ACSL1: variants seen among roughly 807,000 people sequenced by gnomAD.
ACSL1 encodes the protein long-chain-fatty-acid--CoA ligase 1.
In ACSL1, 41 loss-of-function variants were observed where a neutral mutation model predicts 98.4. The observed-to-expected ratio is 0.42, with a 90% CI of 0.32 to 0.54. The LOEUF (loss-of-function observed/expected upper bound fraction) is 0.54. Among genes scored for constraint, ACSL1 ranks in the 20% least tolerant of loss-of-function variants. The pLI is 0.13. For missense variants in ACSL1, 734 were observed against 883.1 expected (o/e 0.83, Z 2.14); for synonymous variants, 316 against 322.7 (o/e 0.98, Z 0.22).
chr4:184,800,285 T>A (rs1475607405), intron 2 of ACSL1, among the ~76,000 whole-genome samples: 1 of 152,210 alleles, frequency 6.6e-6, no homozygotes, highest in African/African-American at 2.4e-5. Flanking sequence ...CTGGTCTAAG[T>A]TGGAGTCCAG....
rs548867308 is a variant in ACSL1, at chr4:184,773,724, A to G, written c.790-10T>C. The G allele has an allele frequency of 1.9e-4, 42 of 225,806 alleles. No individual in the cohort carries two copies. The highest frequency in any genetic ancestry group is 2.8e-4 in the East Asian group (2 of 7,178). The allele number at this position is 225,806 out of a possible 1,614,324, so 14.0% of individuals were successfully genotyped here. The stretch of plus-strand genomic sequence containing the variant: ...CTTCAGGTGCTGGAGGCTAAAGATT[A>G]AAAAAAAAAAAAGCTGGTATAAATC... On this transcript the variant is annotated splice_polypyrimidine_tract_variant and intron_variant, in intron 8 of 20. Transcript: ENST00000281455. The surrounding 1 kb of genome is among the most constrained non-coding windows in gnomAD (Gnocchi z 4.3).
intron 1 of ACSL1, among the ~76,000 whole-genome samples, chr4:184,820,443 C>T (rs143193517): frequency 6.6e-5 from 10 of 152,164 alleles, no homozygotes; most frequent in South Asian, 2.1e-4. Flanking sequence ...CCCTGAGCCA[C>T]GCTGAATCAA....
intron 1 of ACSL1, chr4:184,808,367 T>C: frequency 1.0e-6 from 1 of 985,456 alleles, no homozygotes; most frequent in Non-Finnish European, 1.2e-6. Flanking sequence ...CTTCTAAAGT[T>C]CCTCAAGCTT....
At chr4:184,805,194 A>G (rs1771222857) in intron 1 of ACSL1, among the ~76,000 whole-genome samples, 1 of 152,220 alleles carries the variant, frequency 6.6e-6, no homozygotes, top group African/African-American at 2.4e-5. Flanking sequence ...GTCATCAGAG[A>G]AATGCATTGT....
At chr4:184,787,321 C>T (rs2150373983) in intron 3 of ACSL1, among the ~76,000 whole-genome samples, 1 of 152,342 alleles carries the variant, frequency 6.6e-6, no homozygotes, top group Admixed American at 6.5e-5. Flanking sequence ...GATAACCACC[C>T]TGTTCTCAAG....
At chr4:184,780,474 C>T in intron 4 of ACSL1, 41 bp from the exon 5 acceptor site, 1 of 1,496,944 alleles carries the variant, frequency 6.7e-7, no homozygotes, top group Non-Finnish European at 9.2e-7. Context: ...CATTGGGCCC[C>T]AACTCCAGAA....
At chr4:184,820,313 G>T (rs912588620) in intron 1 of ACSL1, among the ~76,000 whole-genome samples, 4 of 152,260 alleles carry the variant, frequency 2.6e-5, no homozygotes, top group African/African-American at 9.6e-5. Context: ...CACTGCACCC[G>T]GCCAGTCATG....
chr4:184,826,090 GCCC>G (rs1022065302), upstream of ACSL1: 1 of 146,830 alleles, frequency 6.8e-6, no homozygotes, highest in Non-Finnish European at 1.5e-5. Context: ...CGCCGCGCCG[GCCC>G]CGCCCTCCCG....
chr4:184,813,028 G>A (rs1399576373), intron 1 of ACSL1, among the ~76,000 whole-genome samples: 2 of 151,936 alleles, frequency 1.3e-5, no homozygotes, highest in South Asian at 2.1e-4. Context: ...ATTCTCCAGA[G>A]CAAACAAAAC....
At chr4:184,761,765 A>G (rs543880344) in intron 17 of ACSL1, among the ~76,000 whole-genome samples, 1 of 152,042 alleles carries the variant, frequency 6.6e-6, no homozygotes, top group South Asian at 2.1e-4. Flanking sequence ...CTCAGTACGG[A>G]TATTGTAAAA....
At chr4:184,779,805 T>TC (rs1483483865) in intron 5 of ACSL1, among the ~76,000 whole-genome samples, 1 of 151,450 alleles carries the variant, frequency 6.6e-6, no homozygotes, top group Non-Finnish European at 1.5e-5. Context: ...ACTAAAATAA[T>TC]CCCCCCAAAA....
chr4:184,757,164 C>T lies in ACSL1; in HGVS notation c.2058G>A (p.Arg686=). ...AKRPELRNYF[R]SQIDDLYSTI... is the part of the protein sequence containing the mutation. ...TGGAATAGAGGTCATCTATCTGCGA[C>T]CTGAAATAGTTCCGCAGCTCTGGCC... The change falls in exon 21 of 21, where the codon AGG becomes AGA. Residue 686 remains arginine, a synonymous_variant. Transcript: ENST00000281455. This position sits in a 1 kb window ranked among gnomAD's most constrained non-coding sequence, Gnocchi z 4.5. 6.2e-7 allele frequency: 1 copy of T among 1,608,142 alleles called. No homozygotes were observed. Among genetic ancestry groups the T allele is most frequent in the Non-Finnish European group, 8.5e-7 (1 of 1,174,948 alleles).
chr4:184,803,624 G>C lies in ACSL1; in HGVS notation c.-32-78C>G. ...CAGAACTCCAAAATTCCACCGGCCA[G>C]CCATCTAATTGGGTAGCTGCTCGGC... is the stretch of plus-strand genomic sequence containing the variant. On this transcript the variant is annotated intron_variant, in intron 1 of 20. Transcript: ENST00000281455. This position sits in a 1 kb window ranked among gnomAD's most constrained non-coding sequence, Gnocchi z 4.8. 9.6e-7 allele frequency: 1 copy of C among 1,045,574 alleles called. No individual in the cohort carries two copies. The allele number at this position is 1,045,574 out of a possible 1,614,324, so 64.8% of individuals were successfully genotyped here.
intron 1 of ACSL1, chr4:184,812,267 G>A: frequency 1.0e-6 from 1 of 980,608 alleles, no homozygotes; most frequent in Non-Finnish European, 1.2e-6. Context: ...CCCGAGCCAA[G>A]GACAGGTGCT....
At position 184,757,305 on chromosome 4, in the gene ACSL1, C is replaced by A; in HGVS notation, c.1957-40G>T. The A allele has an allele frequency of 1.9e-6, 3 of 1,567,590 alleles. No homozygotes were observed. Among genetic ancestry groups the A allele is most frequent in the Non-Finnish European group, 2.6e-6 (3 of 1,149,456 alleles). ...GGCAGTTAAAAGAGGAAAAAGGACACGGGCCACCAGTCTCAAAAGCACGTA... is the reference window on the plus strand; with the variant it reads ...GGCAGTTAAAAGAGGAAAAAGGACAAGGGCCACCAGTCTCAAAAGCACGTA... On this transcript the variant is annotated intron_variant, in intron 20 of 20. Transcript: ENST00000281455. The surrounding 1 kb of genome is among the most constrained non-coding windows in gnomAD (Gnocchi z 4.5).
At chr4:184,813,018 A>G (rs550873382) in intron 1 of ACSL1, among the ~76,000 whole-genome samples, 1 of 152,156 alleles carries the variant, frequency 6.6e-6, no homozygotes, top group Non-Finnish European at 1.5e-5. Flanking sequence ...TATGCCCAAC[A>G]TTCTCCAGAG....
chr4:184,782,446 A>AT lies in ACSL1; in HGVS notation c.375+1480dup, dbSNP rs142109549. ...ATTCACACCTTCAGAAACCCCAGTG[A>AT]TTTTCAATCTGCCTTGAAAACGCCT... On this transcript the variant is annotated intron_variant, in intron 4 of 20. Transcript: ENST00000281455. Among the ~76,000 whole-genome samples the AT allele has an allele frequency of 1.0e-3, 152 of 152,164 alleles. 2 individuals carry two copies. The East Asian group carries it at 0.026, about 26-fold the overall frequency.
intron 1 of ACSL1, among the ~76,000 whole-genome samples, chr4:184,814,796 A>G (rs939782116): frequency 6.6e-6 from 1 of 152,132 alleles, no homozygotes; most frequent in African/African-American, 2.4e-5. Flanking sequence ...CTCCTGGAAA[A>G]TATGTAGCTA....
At chr4:184,816,058 C>T (rs1473022973) in intron 1 of ACSL1, among the ~76,000 whole-genome samples, 1 of 151,558 alleles carries the variant, frequency 6.6e-6, no homozygotes, top group African/African-American at 2.4e-5. Context: ...GGGGGCGCAG[C>T]GGCAGTGAGC....
Sources: allele counts gnomAD v4.1 joint callset (sites outside exome capture counted in the v4.1 genomes callset), GRCh38; gene constraint gnomAD v4.1.1; non-coding constraint Gnocchi (gnomAD v3.1); transcripts MANE v1.5; gene names NCBI Gene and HGNC (gene_info 2026-07-23, HGNC 2026-07-21).